Variants in ROBO1 observed in about 807,000 individuals in gnomAD.
The protein encoded by ROBO1 is roundabout homolog 1.
In ROBO1, 149 loss-of-function variants were observed where a neutral mutation model predicts 195.9. The ratio of observed to expected loss-of-function variants is 0.76; its 90% CI spans 0.67 to 0.87. ROBO1 has a LOEUF of 0.87. ROBO1 is among the 40% of genes least tolerant of loss of function. The probability of loss-of-function intolerance (pLI) is 0.00; values close to 1 mark genes in which losing one functional copy is unlikely to be tolerated. For synonymous variants in ROBO1, 816 were observed against 733.2 expected (o/e 1.11, Z -1.82); for missense variants, 1,933 against 2,068.3 (o/e 0.93, Z 1.27).
chr3:79,097,872 T>C (rs1354743947), intron 3 of ROBO1, among the ~76,000 whole-genome samples: 1 of 151,582 alleles, frequency 6.6e-6, no homozygotes, highest in Non-Finnish European at 1.5e-5. Context: ...TTTAATCCTG[T>C]TCAACCTGTG....
chr3:78,788,445 A>G (rs1238595640), intron 4 of ROBO1, among the ~76,000 whole-genome samples: 1 of 146,562 alleles, frequency 6.8e-6, no homozygotes, highest in East Asian at 2.0e-4. Context: ...TTTTTTAAAA[A>G]AAAAAAAAAA....
intron 1 of ROBO1, among the ~76,000 whole-genome samples, chr3:79,701,029 A>T (rs1947607467): frequency 1.3e-5 from 2 of 151,804 alleles, no homozygotes; most frequent in Admixed American, 6.6e-5. Flanking sequence ...GTCCAGTTTC[A>T]TTCTTCTGCA....
At chr3:79,732,106 A>G (rs1212493264) in intron 1 of ROBO1, among the ~76,000 whole-genome samples, 2 of 152,010 alleles carry the variant, frequency 1.3e-5, no homozygotes, top group Non-Finnish European at 2.9e-5. Context: ...CCCATCCAGT[A>G]TGTTACTATA....
intron 16 of ROBO1, 121 bp downstream of exon 16, chr3:78,660,909 T>C: frequency 2.7e-6 from 2 of 728,986 alleles, no homozygotes; most frequent in Non-Finnish European, 4.4e-6. Context: ...AAATGTATGT[T>C]CAATATCAAG....
chr3:79,673,321 T>G (rs907893033), intron 1 of ROBO1, among the ~76,000 whole-genome samples: 3 of 151,934 alleles, frequency 2.0e-5, no homozygotes, highest in Admixed American at 1.3e-4. Context: ...TTTATATGTG[T>G]GTGGGTGTGG....
chr3:78,826,935 CAAT>C (rs1205473225), intron 4 of ROBO1, among the ~76,000 whole-genome samples: 2 of 152,238 alleles, frequency 1.3e-5, no homozygotes, highest in East Asian at 1.9e-4. Flanking sequence ...TACTGGACAA[CAAT>C]GTTTCTATAG....
At chr3:79,124,680 C>T (rs992468243) in intron 3 of ROBO1, among the ~76,000 whole-genome samples, 2 of 152,074 alleles carry the variant, frequency 1.3e-5, no homozygotes, top group Admixed American at 1.3e-4. Context: ...GCTGATCTTA[C>T]AACAAGACCA....
intron 3 of ROBO1, among the ~76,000 whole-genome samples, chr3:79,001,572 T>G (rs1461611498): frequency 6.6e-6 from 1 of 152,154 alleles, no homozygotes; most frequent in East Asian, 1.9e-4. Context: ...ATATAAATTA[T>G]CCTAAAGAAT....
intron 2 of ROBO1, among the ~76,000 whole-genome samples, chr3:79,236,460 T>C (rs1387748659): frequency 1.3e-5 from 2 of 152,212 alleles, no homozygotes; most frequent in Non-Finnish European, 2.9e-5. Context: ...TCATATATCA[T>C]ATATACGAAA....
At chr3:79,096,026 T>A (rs1234081310) in intron 3 of ROBO1, among the ~76,000 whole-genome samples, 1 of 152,086 alleles carries the variant, frequency 6.6e-6, no homozygotes, top group Non-Finnish European at 1.5e-5. Flanking sequence ...AATATTATAG[T>A]GAACATTCAT....
intron 2 of ROBO1, among the ~76,000 whole-genome samples, chr3:79,292,099 G>T (rs923423249): frequency 2.6e-5 from 4 of 152,182 alleles, no homozygotes; most frequent in African/African-American, 4.8e-5. Flanking sequence ...CACATCCCTT[G>T]TAAGTTGTAT....
chr3:79,537,745 G>T (rs1234419411), intron 2 of ROBO1, among the ~76,000 whole-genome samples: 1 of 152,032 alleles, frequency 6.6e-6, no homozygotes, highest in Non-Finnish European at 1.5e-5. Context: ...GGGGAGTGGG[G>T]AGAGGGGAGG....
intron 2 of ROBO1, among the ~76,000 whole-genome samples, chr3:79,300,950 G>C (rs576441306): frequency 6.6e-6 from 1 of 151,996 alleles, no homozygotes; most frequent in Admixed American, 6.6e-5. Context: ...ACCAATCAGC[G>C]CCCTGTCAAA....
chr3:78,788,883 CTTAA>C (rs1466146707), intron 4 of ROBO1, among the ~76,000 whole-genome samples: 8 of 151,954 alleles, frequency 5.3e-5, no homozygotes, highest in Admixed American at 3.9e-4. Flanking sequence ...TAAAATACAT[CTTAA>C]TTAGAGTTAG....
intron 1 of ROBO1, among the ~76,000 whole-genome samples, chr3:79,766,130 C>A (rs943729601): frequency 2.6e-5 from 4 of 151,964 alleles, no homozygotes; most frequent in Non-Finnish European, 5.9e-5. Flanking sequence ...TGAGTTCCTG[C>A]GTCTGGAAAT....
chr3:79,319,396 G>T (rs2033879434), intron 2 of ROBO1, among the ~76,000 whole-genome samples: 1 of 152,016 alleles, frequency 6.6e-6, no homozygotes, highest in South Asian at 2.1e-4. Context: ...GCTAAAAATA[G>T]CCTTGAAATA....
intron 4 of ROBO1, among the ~76,000 whole-genome samples, chr3:78,883,259 T>G (rs569860301): frequency 6.9e-6 from 1 of 144,896 alleles, no homozygotes; most frequent in African/African-American, 2.5e-5. Flanking sequence ...AAAAAAAAGT[T>G]ATGTAGGTGG....
intron 2 of ROBO1, among the ~76,000 whole-genome samples, chr3:79,559,608 T>C (rs1344776220): frequency 2.6e-5 from 4 of 152,140 alleles, no homozygotes; most frequent in African/African-American, 4.8e-5. Flanking sequence ...CAGTACCTTG[T>C]GTACTGCAAG....
chr3:79,695,781 T>C (rs1445108148), intron 1 of ROBO1, among the ~76,000 whole-genome samples: 1 of 151,526 alleles, frequency 6.6e-6, no homozygotes, highest in Non-Finnish European at 1.5e-5. Context: ...GCTTTACTGC[T>C]AAATGTAGAA....
Sources: gnomAD v4.1 joint callset for allele counts (sites outside exome capture counted in the v4.1 genomes callset) on GRCh38, gnomAD v4.1.1 for gene constraint, MANE v1.5 for transcripts, NCBI Gene and HGNC (gene_info 2026-07-23, HGNC 2026-07-21) for gene names.